SMCR8: variants seen among roughly 807,000 people sequenced by gnomAD.
SMCR8 encodes guanine nucleotide exchange protein SMCR8.
SMCR8 carries 30 observed loss-of-function variants against 56.6 expected under a neutral mutation model. That is an observed-to-expected ratio of 0.53 (90% CI 0.40 to 0.72). SMCR8 has a LOEUF of 0.72. SMCR8 is among the 30% of genes least tolerant of loss of function. SMCR8 has a pLI of 0.00. For synonymous variants in SMCR8, 538 were observed against 456.0 expected (o/e 1.18, Z -2.29); for missense variants, 1,198 against 1,157.0 (o/e 1.04, Z -0.51).
Position 18,322,840 on chromosome 17 carries a change from A to G in SMCR8, c.2584A>G (p.Thr862Ala). Residue 862 changes from threonine to alanine, a missense_variant, in exon 2 of 2, where the codon ACC (threonine) becomes GCC (alanine). Coordinates refer to ENST00000406438, the MANE Select transcript of SMCR8 (RefSeq NM_144775.3). ...TQLCSKAFLY[T>A]FCHHLHLPTH... ...GCTCTGCTCCAAGGCCTTCCTCTAC[A>G]CCTTCTGCCACCACCTGCACCTGCC... The G allele has an allele frequency of 6.2e-7, 1 of 1,613,844 alleles. No homozygotes were observed. Among genetic ancestry groups the G allele is most frequent in the Non-Finnish European group, 8.5e-7 (1 of 1,179,824 alleles).
In SMCR8 at chr17:18,317,029, A is replaced by G. The variant is rs1567758338; in HGVS notation, c.1240A>G (p.Ser414Gly). 1 of 1,614,136 alleles carries G rather than the reference A, an allele frequency of 6.2e-7. No individual in the cohort carries two copies. Among genetic ancestry groups the G allele is most frequent in the Non-Finnish European group, 8.5e-7 (1 of 1,180,020 alleles). Reference protein sequence around the residue: ...EECPIPKVLISVGSYKSSVES... With the variant: ...EECPIPKVLIGVGSYKSSVES... The stretch of plus-strand genomic sequence containing the variant: ...ATGCCCAATTCCTAAAGTGTTAATT[A>G]GTGTTGGTTCTTACAAGTCCAGTGT... Residue 414 changes from serine to glycine, a missense_variant, in exon 1 of 2, where the codon AGT becomes GGT. Physicochemically the swap from Ser to Gly is moderately conservative, Grantham distance 56 (BLOSUM62 0). Coordinates refer to ENST00000406438, the MANE Select transcript of SMCR8 (RefSeq NM_144775.3).
intron 1 of SMCR8, among the ~76,000 whole-genome samples, chr17:18,319,027 G>A (rs4925169): frequency 0.36 from 55,396 of 152,044 alleles, 11,172 homozygotes; most frequent in African/African-American, 0.53. Flanking sequence ...GTCCCCTGCG[G>A]GGCCAAACGG....
chr17:18,319,971 T>C (rs932583896), intron 1 of SMCR8, among the ~76,000 whole-genome samples: 1 of 152,226 alleles, frequency 6.6e-6, no homozygotes, highest in African/African-American at 2.4e-5. Context: ...CCTTCCGAAG[T>C]ACTGGGATTA....
chr17:18,322,172 C>G (rs535618196), intron 1 of SMCR8, among the ~76,000 whole-genome samples: 2 of 152,100 alleles, frequency 1.3e-5, no homozygotes, highest in African/African-American at 4.8e-5. Flanking sequence ...CCACCACACC[C>G]GGCTAATTTT....
chr17:18,324,386 C>A lies in SMCR8; in HGVS notation c.*1316C>A, dbSNP rs1982589853. 6.6e-6 allele frequency: 1 copy of A among 152,314 alleles called. No homozygotes were observed. The highest frequency in any genetic ancestry group is 6.5e-5 in the Admixed American group (1 of 15,292). 9.4% of individuals were successfully genotyped at this position (152,314 alleles called of 1,614,324 possible). A position where few individuals can be genotyped will look rare whatever the true frequency, so the allele number is the denominator to read the frequency against. ...CCTGGCCTCCCCGAGCCTCCTTAGG[C>A]AATGGCCACTGGTTTGTAGACAGAG... On this transcript the variant is annotated 3_prime_UTR_variant, in exon 2 of 2. Coordinates refer to ENST00000406438, the MANE Select transcript of SMCR8 (RefSeq NM_144775.3).
At chr17:18,321,294 G>A (rs1027470668) in intron 1 of SMCR8, among the ~76,000 whole-genome samples, 2 of 152,234 alleles carry the variant, frequency 1.3e-5, no homozygotes, top group African/African-American at 2.4e-5. Context: ...CCCTCACTGA[G>A]TGAACACTGG....
chr17:18,317,949 C>T lies in SMCR8; in HGVS notation c.2160C>T (p.Ala720=), dbSNP rs1982381038. 6.2e-7 allele frequency: 1 copy of T among 1,614,210 alleles called. No individual in the cohort carries two copies. The highest frequency in any genetic ancestry group is 8.5e-7 in the Non-Finnish European group (1 of 1,180,048). ...ALKFIRQYPF[A]HPAIYSLLSG... ...AATTCATCCGCCAGTACCCCTTTGC[C>T]CACCCAGCCATCTACTCCCTGCTCA... is the stretch of plus-strand genomic sequence containing the variant. Residue 720 remains alanine, a synonymous_variant, in exon 1 of 2, where the codon GCC becomes GCT. Transcript: ENST00000406438.
rs1459774090 is a variant in SMCR8 at position 18,327,598 on chromosome 17, C to G, written c.*4528C>G. The G allele has an allele frequency of 2.0e-5, 3 of 152,238 alleles. No homozygotes were observed. Among genetic ancestry groups the G allele is most frequent in the Admixed American group, 6.5e-5 (1 of 15,288 alleles). 9.4% of individuals were successfully genotyped at this position (152,238 alleles called of 1,614,324 possible). On this transcript the variant is annotated 3_prime_UTR_variant, in exon 2 of 2. Transcript: ENST00000406438. ...ACCGGGATTGTCTGCCACTAAATAG[C>G]TGGAGTCACAGATTGAGATAAATGC...
In SMCR8 at chr17:18,327,373, T is replaced by TGGA. The variant is rs1429235432; in HGVS notation, c.*4305_*4307dup. 1 of 152,298 alleles carries TGGA rather than the reference T, an allele frequency of 6.6e-6. No individual in the cohort carries two copies. Among genetic ancestry groups the TGGA allele is most frequent in the Non-Finnish European group, 1.5e-5 (1 of 68,098 alleles). The allele number at this position is 152,298 out of a possible 1,614,324, so 9.4% of individuals were successfully genotyped here. On this transcript the variant is annotated 3_prime_UTR_variant, in exon 2 of 2. Coordinates refer to ENST00000406438, the MANE Select transcript of SMCR8 (RefSeq NM_144775.3). Reference sequence around the variant, plus strand: ...AGTGGAGGCTGTTTACAGCGAGCCCTGGAGATGGCAGCTTGTCTCCAGCTG... The same window carrying TGGA: ...AGTGGAGGCTGTTTACAGCGAGCCCTGGAGGAGATGGCAGCTTGTCTCCAGCTG...
Position 18,316,980 on chromosome 17 carries a change from G to C in SMCR8, c.1191G>C (p.Arg397Ser), listed in dbSNP as rs1236126101. 1.9e-6 allele frequency: 3 copies of C among 1,614,206 alleles called. No individual in the cohort carries two copies. In the East Asian group the frequency reaches 6.7e-5, roughly 36 times the overall value. ...TACCCTCTAAGCCCAGTCAAGACAG[G>C]CCGCCTTCCAGTTCTCTAGAAGAAT... ...ESIPSKPSQD[R>S]PPSSSLEECP... is the part of the protein sequence containing the mutation. The change falls in exon 1 of 2, where the codon AGG (arginine) becomes AGC (serine). Residue 397 changes from arginine (R) to serine (S), a missense_variant. Transcript: ENST00000406438.
rs776938155 is a variant in SMCR8, at chr17:18,317,916, C to A, written c.2127C>A (p.Asn709Lys). 1 of 1,614,182 alleles carries A rather than the reference C, an allele frequency of 6.2e-7. No individual in the cohort carries two copies. The highest frequency in any genetic ancestry group is 8.5e-7 in the Non-Finnish European group (1 of 1,180,040). ...SDRHKKRAGQ[N>K]ALKFIRQYPF... is the part of the protein sequence containing the mutation. ...GGCATAAAAAGAGGGCTGGCCAGAACGCCTTAAAATTCATCCGCCAGTACC... is the reference window on the plus strand; with the variant it reads ...GGCATAAAAAGAGGGCTGGCCAGAAAGCCTTAAAATTCATCCGCCAGTACC... The change falls in exon 1 of 2, where the codon AAC (asparagine) becomes AAA (lysine). Residue 709 changes from asparagine (N) to lysine (K), a missense_variant. By Grantham distance (94) the Asn-to-Lys change is moderately conservative. Transcript: ENST00000406438.
chr17:18,322,354 C>T (rs917969456), intron 1 of SMCR8, among the ~76,000 whole-genome samples: 1 of 152,216 alleles, frequency 6.6e-6, no homozygotes, highest in Non-Finnish European at 1.5e-5. Flanking sequence ...TGAAAGCTTG[C>T]CATGGCTCCA....
chr17:18,322,518 T>C (rs1225835589), intron 1 of SMCR8, 99 bp from the exon 2 acceptor site: 1 of 1,060,576 alleles, frequency 9.4e-7, no homozygotes, highest in Non-Finnish European at 1.4e-6. Flanking sequence ...GCTGGCTAGG[T>C]GGATGCTGGC....
In SMCR8 at chr17:18,316,081, G is replaced by T; in HGVS notation, c.292G>T (p.Asp98Tyr). Residue 98 changes from aspartate to tyrosine, a missense_variant, in exon 1 of 2, where the codon GAT becomes TAT. Physicochemically the swap from Asp to Tyr is radical, Grantham distance 160 (BLOSUM62 -3). Transcript: ENST00000406438. ...NYFSLRIMSV[D>Y]YQASFVGHPP... ...CTTCTCCCTGCGTATCATGTCTGTGGATTACCAGGCTTCCTTCGTGGGCCA... is the reference window on the plus strand; with the variant it reads ...CTTCTCCCTGCGTATCATGTCTGTGTATTACCAGGCTTCCTTCGTGGGCCA... 6.2e-7 allele frequency: 1 copy of T among 1,614,130 alleles called. No individual in the cohort carries two copies. The highest frequency in any genetic ancestry group is 8.5e-7 in the Non-Finnish European group (1 of 1,180,038).
Position 18,322,873 on chromosome 17 carries a change from G to T in SMCR8, c.2617G>T (p.Asp873Tyr). Residue 873 changes from aspartate to tyrosine, a missense_variant, in exon 2 of 2, where the codon GAC (aspartate) becomes TAC (tyrosine). Asp to Tyr is a radical substitution (Grantham distance 160, BLOSUM62 -3). Coordinates refer to ENST00000406438, the MANE Select transcript of SMCR8 (RefSeq NM_144775.3). Reference protein sequence around the residue: ...FCHHLHLPTHDKETEELVASR... With the variant: ...FCHHLHLPTHYKETEELVASR... ...CCACCACCTGCACCTGCCTACCCAC[G>T]ACAAGGAGACAGAGGAGCTGGTAGC... The T allele has an allele frequency of 6.2e-7, 1 of 1,614,066 alleles. No individual in the cohort carries two copies. Among genetic ancestry groups the T allele is most frequent in the Non-Finnish European group, 8.5e-7 (1 of 1,179,966 alleles).
At position 18,327,893 on chromosome 17, in the gene SMCR8, T is replaced by A. The variant is rs1734115871; in HGVS notation, c.*4823T>A. 1.3e-5 allele frequency: 2 copies of A among 152,600 alleles called. No individual in the cohort carries two copies. The highest frequency in any genetic ancestry group is 4.1e-4 in the South Asian group (2 of 4,830). The allele number at this position is 152,600 out of a possible 1,614,324, so 9.5% of individuals were successfully genotyped here. A position where few individuals can be genotyped will look rare whatever the true frequency, so the allele number is the denominator to read the frequency against. On this transcript the variant is annotated 3_prime_UTR_variant, in exon 2 of 2. Transcript: ENST00000406438. ...AAGTGTACTTTTTAAGAAATTAATT[T>A]ATTTGAGTTCAAATATTTTTGAAAT...
Position 18,316,525 on chromosome 17 carries a change from C to A in SMCR8, c.736C>A (p.His246Asn), listed in dbSNP as rs1399707205. 6.2e-7 allele frequency: 1 copy of A among 1,614,132 alleles called. No individual in the cohort carries two copies. Among genetic ancestry groups the A allele is most frequent in the Non-Finnish European group, 8.5e-7 (1 of 1,180,040 alleles). ...CAGTGTGGAGAAGTCCATCATTGAA[C>A]ATCAAGACCTGCTGAAGCAGATCCG... Reference protein sequence around the residue: ...LASVEKSIIEHQDLLKQIRSY... With the variant: ...LASVEKSIIENQDLLKQIRSY... Residue 246 changes from histidine (H) to asparagine (N), a missense_variant, in exon 1 of 2, where the codon CAT (histidine) becomes AAT (asparagine). By Grantham distance (68) the His-to-Asn change is moderately conservative. Transcript: ENST00000406438.
Position 18,317,563 on chromosome 17 carries a change from G to T in SMCR8, c.1774G>T (p.Asp592Tyr). The T allele has an allele frequency of 6.2e-7, 1 of 1,614,126 alleles. No homozygotes were observed. The highest frequency in any genetic ancestry group is 8.5e-7 in the Non-Finnish European group (1 of 1,180,044). The change falls in exon 1 of 2, where the codon GAT becomes TAT. Residue 592 changes from aspartate to tyrosine, a missense_variant. Transcript: ENST00000406438. ...CTCCTGCTGTATTGGGAAGGAGAGCGATGGTCAGTTGGTGCTGCCCTCCAC... is the reference window on the plus strand; with the variant it reads ...CTCCTGCTGTATTGGGAAGGAGAGCTATGGTCAGTTGGTGCTGCCCTCCAC... ...DSSCCIGKES[D>Y]GQLVLPSTPA...
chr17:18,315,697 C>G lies in SMCR8; in HGVS notation c.-93C>G. On this transcript the variant is annotated 5_prime_UTR_variant, in exon 1 of 2. Transcript: ENST00000406438. ...GTCGCAAAGAAGGCCGTAAGGGCTT[C>G]ACTTCCTTCTCCGGAGGCCTGCCTT... The G allele has an allele frequency of 7.9e-7, 1 of 1,259,524 alleles. No individual in the cohort carries two copies. Among genetic ancestry groups the G allele is most frequent in the Non-Finnish European group, 1.1e-6 (1 of 909,500 alleles). 78.0% of individuals were successfully genotyped at this position (1,259,524 alleles called of 1,614,324 possible).
Sources: gnomAD v4.1 joint callset for allele counts (sites outside exome capture counted in the v4.1 genomes callset) on GRCh38, gnomAD v4.1.1 for gene constraint, MANE v1.5 for transcripts, NCBI Gene and HGNC (gene_info 2026-07-23, HGNC 2026-07-21) for gene names.